SORCS3: variants seen among roughly 807,000 people sequenced by gnomAD.
SORCS3 encodes VPS10 domain-containing receptor SorCS3.
SORCS3 carries 57 observed loss-of-function variants against 146.3 expected under a neutral mutation model. The observed-to-expected ratio is 0.39, with a 90% CI of 0.31 to 0.49. SORCS3 has a LOEUF of 0.49. SORCS3 is among the 20% of genes least tolerant of loss of function. SORCS3 has a pLI of 0.92. For synonymous variants in SORCS3, 653 were observed against 618.5 expected (o/e 1.06, Z -0.83); for missense variants, 1,341 against 1,575.5 (o/e 0.85, Z 2.52).
At chr10:104,891,714 T>G (rs570728398) in intron 2 of SORCS3, among the ~76,000 whole-genome samples, 3 of 152,162 alleles carry the variant, frequency 2.0e-5, no homozygotes, top group Non-Finnish European at 2.9e-5. Flanking sequence ...TTGTCCAGAA[T>G]CAGAAGTACC....
rs59033040 is a variant in SORCS3, at chr10:105,227,985, TTGTGTGTGTGTG to T, written c.2868+4774_2868+4785del. ...TTGTAGGCAGCATATTGTGGTCATT[TTGTGTGTGTGTG>T]TGTGTGTGTGTGTGTGTGTGTGTGT... On this transcript the variant is annotated intron_variant, in intron 20 of 26. Transcript: ENST00000369701. Among the ~76,000 whole-genome samples the T allele has an allele frequency of 3.8e-3, 495 of 128,912 alleles. 3 individuals carry two copies. The highest frequency in any genetic ancestry group is 0.01 in the African/African-American group (353 of 34,084). The allele number at this position is 128,912 out of a possible 152,430, so 84.6% of individuals were successfully genotyped here.
In SORCS3 at chr10:104,799,061, G is replaced by C. The variant is rs1224004745; in HGVS notation, c.628-43731G>C. 2.0e-5 allele frequency among the ~76,000 whole-genome samples: 3 copies of C among 152,190 alleles called. No homozygotes were observed. The East Asian group carries it at 5.8e-4, about 29-fold the overall frequency. ...GTCAGGAAACAACAGATGCTAGAGA[G>C]GTTGTGGAGAAATAGGAACGCTTTT... On this transcript the variant is annotated intron_variant, in intron 1 of 26. Transcript: ENST00000369701.
chr10:105,242,467 T>TA (rs2056832927), intron 20 of SORCS3, among the ~76,000 whole-genome samples: 5 of 83,512 alleles, frequency 6.0e-5, no homozygotes, highest in South Asian at 4.1e-4. Context: ...TATTTATATA[T>TA]TTATATATTT....
At chr10:104,973,906 C>T (rs1465004632) in intron 3 of SORCS3, among the ~76,000 whole-genome samples, 2 of 151,632 alleles carry the variant, frequency 1.3e-5, no homozygotes, top group East Asian at 3.9e-4. Context: ...TCTTTGTTCT[C>T]GTTGGTTTCA....
chr10:104,728,952 A>C (rs1193743463), intron 1 of SORCS3, among the ~76,000 whole-genome samples: 1 of 152,230 alleles, frequency 6.6e-6, no homozygotes, highest in East Asian at 1.9e-4. Context: ...ATCCCAGGCC[A>C]GATGTCACAC....
chr10:105,094,163 A>G (rs997849121), intron 6 of SORCS3, among the ~76,000 whole-genome samples: 3 of 152,184 alleles, frequency 2.0e-5, no homozygotes, highest in African/African-American at 7.2e-5. Flanking sequence ...GGGAAAGACA[A>G]ACTATATAGA....
intron 1 of SORCS3, among the ~76,000 whole-genome samples, chr10:104,667,467 A>G (rs188382162): frequency 6.6e-6 from 1 of 152,336 alleles, no homozygotes; most frequent in Non-Finnish European, 1.5e-5. Flanking sequence ...CCCCTGTTTT[A>G]TATCTTGGTT....
At chr10:105,245,728 T>G in intron 21 of SORCS3, 63 bp downstream of exon 21, 1 of 1,554,040 alleles carries the variant, frequency 6.4e-7, no homozygotes, top group African/African-American at 1.4e-5. Context: ...GTGTCCACTC[T>G]CCCTACAATC....
chr10:104,765,396 A>G (rs1183081772), intron 1 of SORCS3, among the ~76,000 whole-genome samples: 1 of 152,196 alleles, frequency 6.6e-6, no homozygotes, highest in Non-Finnish European at 1.5e-5. Flanking sequence ...TCCAACTCCT[A>G]AGTAGTTTAG....
chr10:104,850,518 G>A (rs925772863), intron 2 of SORCS3, among the ~76,000 whole-genome samples: 1 of 152,174 alleles, frequency 6.6e-6, no homozygotes, highest in East Asian at 1.9e-4. Context: ...TCAGGAGGTC[G>A]AGGCTACAGT....
At chr10:105,088,098 G>C (rs1192231694) in intron 5 of SORCS3, among the ~76,000 whole-genome samples, 4 of 152,202 alleles carry the variant, frequency 2.6e-5, no homozygotes. Context: ...GAGTTCACTA[G>C]GGAAGGAGAG....
At chr10:104,688,521 C>A (rs1357709783) in intron 1 of SORCS3, among the ~76,000 whole-genome samples, 1 of 152,228 alleles carries the variant, frequency 6.6e-6, no homozygotes, top group Non-Finnish European at 1.5e-5. Flanking sequence ...GCGGTGGGGA[C>A]CGCTTCTGTT....
At chr10:105,069,286 A>G (rs1158019365) in intron 5 of SORCS3, among the ~76,000 whole-genome samples, 1 of 152,222 alleles carries the variant, frequency 6.6e-6, no homozygotes, top group East Asian at 1.9e-4. Flanking sequence ...AATCCAGGAA[A>G]TCCACTTATC....
At chr10:104,835,141 A>G (rs1216383765) in intron 1 of SORCS3, among the ~76,000 whole-genome samples, 2 of 152,062 alleles carry the variant, frequency 1.3e-5, no homozygotes, top group Non-Finnish European at 2.9e-5. Flanking sequence ...ACATTCTCGT[A>G]CTGTGGGTCA....
rs1472433433 is a variant in SORCS3, at chr10:104,794,620, A to AGG, written c.628-48170_628-48169dup. Among the ~76,000 whole-genome samples, 2 of 86,016 alleles carry AGG rather than the reference A, an allele frequency of 2.3e-5. 1 individual carries two copies. Among genetic ancestry groups the AGG allele is most frequent in the South Asian group, 7.8e-4 (2 of 2,558 alleles). 56.4% of individuals were successfully genotyped at this position (86,016 alleles called of 152,430 possible). A position where few individuals can be genotyped will look rare whatever the true frequency, so the allele number is the denominator to read the frequency against. ...GTGTGTGTGTGAGAGAGAGAGAGGG[A>AGG]GGGAGAGAGAGAGAGAGAGAGAGAG... On this transcript the variant is annotated intron_variant, in intron 1 of 26. Coordinates refer to ENST00000369701, the MANE Select transcript of SORCS3 (RefSeq NM_014978.3).
intron 1 of SORCS3, among the ~76,000 whole-genome samples, chr10:104,771,061 T>A (rs7906784): frequency 6.6e-6 from 1 of 152,024 alleles, no homozygotes; most frequent in Non-Finnish European, 1.5e-5. Context: ...TCCAAATGCT[T>A]GATAGCCACG....
chr10:104,654,747 T>C (rs1300330952), intron 1 of SORCS3, among the ~76,000 whole-genome samples: 1 of 152,214 alleles, frequency 6.6e-6, no homozygotes, highest in Non-Finnish European at 1.5e-5. Context: ...CTTCTACTCA[T>C]GGACTGATGA....
intron 3 of SORCS3, among the ~76,000 whole-genome samples, chr10:104,939,634 C>T (rs944819520): frequency 6.6e-6 from 1 of 152,152 alleles, no homozygotes; most frequent in African/African-American, 2.4e-5. Context: ...GCCAGCCAAA[C>T]TGTCCCTGAG....
At chr10:104,712,595 G>A (rs1312221088) in intron 1 of SORCS3, among the ~76,000 whole-genome samples, 1 of 152,190 alleles carries the variant, frequency 6.6e-6, no homozygotes, top group Non-Finnish European at 1.5e-5. Context: ...AATTCCCAGA[G>A]CCTGGCAGCG....
Sources: gnomAD v4.1 joint callset for allele counts (sites outside exome capture counted in the v4.1 genomes callset) on GRCh38, gnomAD v4.1.1 for gene constraint, MANE v1.5 for transcripts, NCBI Gene and HGNC (gene_info 2026-07-23, HGNC 2026-07-21) for gene names.